The following FBXL17 variants were observed in gnomAD, a reference collection of about 807,000 sequenced individuals.
FBXL17 encodes the protein F-box and leucine rich repeat protein 17, also known as F-box/LRR-repeat protein 17.
In FBXL17, 22 loss-of-function variants were observed where a neutral mutation model predicts 66.2. That is an observed-to-expected ratio of 0.33 (90% CI 0.24 to 0.47). FBXL17 has a LOEUF of 0.47. Ranked by LOEUF, FBXL17 falls within the 20% of genes least tolerant of loss-of-function variation. The probability of loss-of-function intolerance (pLI) is 1.00; values close to 1 mark genes in which losing one functional copy is unlikely to be tolerated. For synonymous variants in FBXL17, 474 were observed against 400.5 expected (o/e 1.18, Z -2.19); for missense variants, 878 against 948.2 (o/e 0.93, Z 0.97).
At chr5:107,950,253 A>G (rs748070506) in intron 7 of FBXL17, among the ~76,000 whole-genome samples, 1 of 152,132 alleles carries the variant, frequency 6.6e-6, no homozygotes, top group Non-Finnish European at 1.5e-5. Flanking sequence ...TTCCGGGATC[A>G]CTTTAGATAT....
At chr5:108,169,998 TTAAAAC>T (rs1403360692) in intron 6 of FBXL17, among the ~76,000 whole-genome samples, 1 of 152,144 alleles carries the variant, frequency 6.6e-6, no homozygotes, top group African/African-American at 2.4e-5. Context: ...TGAGTATAAA[TTAAAAC>T]TAAAAGAAAA....
rs547167636 is a variant in FBXL17, at chr5:108,148,792, A to G, written c.1745+37325T>C. On this transcript the variant is annotated intron_variant, in intron 6 of 8. Coordinates refer to ENST00000542267, the MANE Select transcript of FBXL17 (RefSeq NM_001163315.3). Reference sequence around the variant, plus strand: ...CAGGCCAAGTGATTTCATCCTCTACAGTAGCATATGTAATTCTGATGGCTG... The same window carrying G: ...CAGGCCAAGTGATTTCATCCTCTACGGTAGCATATGTAATTCTGATGGCTG... Among the ~76,000 whole-genome samples the G allele has an allele frequency of 2.0e-5, 3 of 152,320 alleles. No homozygotes were observed. The South Asian group carries it at 6.2e-4, about 32-fold the overall frequency.
At chr5:108,279,720 C>A (rs1757626670) in intron 4 of FBXL17, among the ~76,000 whole-genome samples, 1 of 151,084 alleles carries the variant, frequency 6.6e-6, no homozygotes, top group Non-Finnish European at 1.5e-5. Flanking sequence ...ACAAAGAACA[C>A]AGAAAAATAA....
chr5:108,242,362 T>C (rs868510955), intron 4 of FBXL17, among the ~76,000 whole-genome samples: 1,694 of 137,334 alleles, frequency 0.012, 32 homozygotes, highest in African/African-American at 0.054. Flanking sequence ...GTTGTTGTTG[T>C]TGTTGTTGTT....
chr5:108,236,146 G>A (rs918044145), intron 4 of FBXL17, among the ~76,000 whole-genome samples: 2 of 152,126 alleles, frequency 1.3e-5, no homozygotes, highest in African/African-American at 2.4e-5. Flanking sequence ...AGAGGTCGAG[G>A]CTGCAGTGAG....
intron 5 of FBXL17, among the ~76,000 whole-genome samples, chr5:108,190,147 T>C (rs1753412866): frequency 6.6e-6 from 1 of 152,196 alleles, no homozygotes; most frequent in Non-Finnish European, 1.5e-5. Flanking sequence ...TGACGTTGTA[T>C]TGCTGAAGAA....
rs140019378 is a variant in FBXL17 at position 108,039,003 on chromosome 5, T to G, written c.1746-18002A>C. On this transcript the variant is annotated intron_variant, in intron 6 of 8. Transcript: ENST00000542267. ...TAGAAGACTAGTGAATAAATGGACA[T>G]TTAAATAATTTTTAAAGATACAAAT... 9.9e-3 allele frequency among the ~76,000 whole-genome samples: 1,502 copies of G among 152,150 alleles called. 25 individuals carry two copies. Among genetic ancestry groups the G allele is most frequent in the African/African-American group, 0.033 (1,354 of 41,558 alleles).
At chr5:108,191,479 A>C (rs1398531417) in intron 5 of FBXL17, among the ~76,000 whole-genome samples, 1 of 152,206 alleles carries the variant, frequency 6.6e-6, no homozygotes, top group Non-Finnish European at 1.5e-5. Context: ...GCATATAATA[A>C]AAATTGTGTA....
intron 4 of FBXL17, among the ~76,000 whole-genome samples, chr5:108,285,352 T>C (rs948867739): frequency 2.0e-5 from 3 of 151,930 alleles, no homozygotes; most frequent in Non-Finnish European, 4.4e-5. Context: ...GCATCTAGAA[T>C]GGTGAATCCT....
chr5:108,351,189 T>A (rs532589152), intron 3 of FBXL17, among the ~76,000 whole-genome samples: 1 of 152,262 alleles, frequency 6.6e-6, no homozygotes, highest in Admixed American at 6.5e-5. Flanking sequence ...AAAAGATAGG[T>A]ACATAATTAT....
At chr5:108,208,665 T>C (rs1450839748) in intron 5 of FBXL17, among the ~76,000 whole-genome samples, 1 of 152,196 alleles carries the variant, frequency 6.6e-6, no homozygotes, top group Non-Finnish European at 1.5e-5. Flanking sequence ...GTTCCACTGG[T>C]CTATGTATCT....
intron 7 of FBXL17, among the ~76,000 whole-genome samples, chr5:107,997,252 T>C (rs1188986446): frequency 6.6e-6 from 1 of 152,228 alleles, no homozygotes; most frequent in East Asian, 1.9e-4. Context: ...AGTATAATAC[T>C]AATAATACAG....
At chr5:107,998,748 C>T (rs1028451570) in intron 7 of FBXL17, among the ~76,000 whole-genome samples, 1 of 152,118 alleles carries the variant, frequency 6.6e-6, no homozygotes, top group Non-Finnish European at 1.5e-5. Flanking sequence ...TTGATTTCTT[C>T]ATGAAGCTCT....
intron 4 of FBXL17, among the ~76,000 whole-genome samples, chr5:108,288,584 A>T (rs1247927147): frequency 1.3e-5 from 2 of 152,050 alleles, no homozygotes; most frequent in Non-Finnish European, 2.9e-5. Flanking sequence ...AGTGTTATAT[A>T]AATATATTGG....
chr5:108,072,461 T>C (rs993334416), intron 6 of FBXL17, among the ~76,000 whole-genome samples: 1 of 152,266 alleles, frequency 6.6e-6, no homozygotes, highest in Middle Eastern at 3.4e-3. Context: ...CCCAGCACTT[T>C]GGGAGGCTGA....
rs375747204 is a variant in FBXL17 at position 108,187,591 on chromosome 5, G to C, written c.1615-1344C>G. Among the ~76,000 whole-genome samples the C allele has an allele frequency of 2.3e-4, 35 of 152,306 alleles. No individual in the cohort carries two copies. In the South Asian group the frequency reaches 7.0e-3, roughly 31 times the overall value. Reference sequence around the variant, plus strand: ...ACCTTTACTAGCTTCAAATATTGAGGAAGGGGCCAGGAGTCAAGGAACATG... The same window carrying C: ...ACCTTTACTAGCTTCAAATATTGAGCAAGGGGCCAGGAGTCAAGGAACATG... On this transcript the variant is annotated intron_variant, in intron 5 of 8. Transcript: ENST00000542267.
At chr5:108,250,030 C>T (rs976790919) in intron 4 of FBXL17, among the ~76,000 whole-genome samples, 15 of 152,078 alleles carry the variant, frequency 9.9e-5, no homozygotes, top group Non-Finnish European at 2.2e-4. Flanking sequence ...TGTTTCATAT[C>T]CAAGAGCCCA....
At position 108,107,769 on chromosome 5, in the gene FBXL17, A is replaced by G. The variant is rs181280079; in HGVS notation, c.1745+78348T>C. 5.6e-3 allele frequency among the ~76,000 whole-genome samples: 826 copies of G among 146,896 alleles called. 9 individuals carry two copies. The highest frequency in any genetic ancestry group is 0.019 in the African/African-American group (760 of 40,342). On this transcript the variant is annotated intron_variant, in intron 6 of 8. Coordinates refer to ENST00000542267, the MANE Select transcript of FBXL17 (RefSeq NM_001163315.3). ...AGAGCTTGCAGTGAGCTGAGATGGC[A>G]CCACTGCACTCCGGCCTGGGCAACA...
At chr5:108,043,797 T>A (rs768319965) in intron 6 of FBXL17, among the ~76,000 whole-genome samples, 2 of 152,194 alleles carry the variant, frequency 1.3e-5, no homozygotes, top group Non-Finnish European at 2.9e-5. Context: ...ATGTATCAAT[T>A]TGGGGAGAAA....
Sources: gnomAD v4.1 joint callset for allele counts (sites outside exome capture counted in the v4.1 genomes callset) on GRCh38, gnomAD v4.1.1 for gene constraint, MANE v1.5 for transcripts, NCBI Gene and HGNC (gene_info 2026-07-23, HGNC 2026-07-21) for gene names.